Variants in SIK2 observed in about 807,000 individuals in gnomAD.
SIK2 encodes the protein salt inducible kinase 2.
In SIK2, 29 loss-of-function variants were observed where a neutral mutation model predicts 103.2. The ratio of observed to expected loss-of-function variants is 0.28; its 90% CI spans 0.21 to 0.38. The LOEUF (loss-of-function observed/expected upper bound fraction) is 0.38, where lower values mean the gene tolerates loss of function less well. SIK2 is among the 10% of genes least tolerant of loss of function. The pLI is 1.00. For missense variants in SIK2, 879 were observed against 1,171.0 expected, an observed-to-expected ratio of 0.75 and a Z score of 3.64; for synonymous variants, 412 against 446.1, an observed-to-expected ratio of 0.92 and a Z score of 0.96.
At chr11:111,673,582 A>C (rs1942657736) in intron 3 of SIK2, among the ~76,000 whole-genome samples, 1 of 152,178 alleles carries the variant, frequency 6.6e-6, no homozygotes, top group Admixed American at 6.5e-5. Flanking sequence ...TTTCAGCCTC[A>C]CTGCTGAATG....
intron 3 of SIK2, chr11:111,671,571 A>G: frequency 3.1e-6 from 1 of 326,532 alleles, no homozygotes; most frequent in Non-Finnish European, 5.9e-6. Flanking sequence ...CCTGGCTGTG[A>G]TTGGAGATGT....
intron 3 of SIK2, among the ~76,000 whole-genome samples, chr11:111,636,245 C>G (rs1200094394): frequency 6.6e-6 from 1 of 152,142 alleles, no homozygotes; most frequent in Non-Finnish European, 1.5e-5. Context: ...AGAAAGAGGT[C>G]TCCAAGTGAG....
At chr11:111,613,974 C>A (rs1327570799) in intron 1 of SIK2, among the ~76,000 whole-genome samples, 1 of 151,778 alleles carries the variant, frequency 6.6e-6, no homozygotes, top group African/African-American at 2.4e-5. Context: ...GATAGAGCAG[C>A]CATAAAGAAA....
At chr11:111,607,702 G>A (rs1289598129) in intron 1 of SIK2, among the ~76,000 whole-genome samples, 1 of 152,104 alleles carries the variant, frequency 6.6e-6, no homozygotes, top group Admixed American at 6.5e-5. Context: ...TACTTTCATA[G>A]AATTTTTCTG....
At chr11:111,658,085 TTTTATTTTA>T (rs1942416609) in intron 3 of SIK2, among the ~76,000 whole-genome samples, 1 of 143,796 alleles carries the variant, frequency 7.0e-6, no homozygotes, top group Non-Finnish European at 1.5e-5. Flanking sequence ...ATTTTTTCAT[TTTTATTTTA>T]TTTATTTATT....
chr11:111,704,707 A>C (rs888499654), intron 7 of SIK2, among the ~76,000 whole-genome samples: 1 of 152,186 alleles, frequency 6.6e-6, no homozygotes, highest in African/African-American at 2.4e-5. Context: ...TGAGACAATG[A>C]TGGCATTTTC....
At chr11:111,647,510 A>G (rs1198930322) in intron 3 of SIK2, among the ~76,000 whole-genome samples, 3 of 145,830 alleles carry the variant, frequency 2.1e-5, no homozygotes, top group Non-Finnish European at 4.5e-5. Context: ...TGCAGTGGCC[A>G]TAGTCACATC....
At chr11:111,692,397 G>GGAGAGAGGGAGAGAGAGAGATA (rs1942969110) in intron 4 of SIK2, among the ~76,000 whole-genome samples, 2 of 118,136 alleles carry the variant, frequency 1.7e-5, no homozygotes, top group East Asian at 4.2e-4. Flanking sequence ...AACACAAAAA[G>GGAGAGAGGGAGAGAGAGAGATA]GAGAGAGGGA....
chr11:111,616,176 A>G (rs1347935622), intron 1 of SIK2, 67 bp from the exon 2 acceptor site: 16 of 1,051,890 alleles, frequency 1.5e-5, no homozygotes, highest in Non-Finnish European at 2.0e-5. Flanking sequence ...ATTTATTGAC[A>G]GGATTCTTAA....
chr11:111,642,171 C>T, intron 3 of SIK2, among the ~76,000 whole-genome samples: 1 of 152,150 alleles, frequency 6.6e-6, no homozygotes, highest in South Asian at 2.1e-4. Context: ...AACCAATTTT[C>T]CAGTACCAAC....
intron 4 of SIK2, among the ~76,000 whole-genome samples, chr11:111,690,065 T>G (rs1323702162): frequency 6.6e-6 from 1 of 152,114 alleles, no homozygotes; most frequent in Non-Finnish European, 1.5e-5. Flanking sequence ...GAAAATGTGA[T>G]GCACAAAATT....
intron 1 of SIK2, among the ~76,000 whole-genome samples, chr11:111,611,654 TAGA>T (rs1408483385): frequency 1.3e-5 from 2 of 152,298 alleles, no homozygotes; most frequent in South Asian, 2.1e-4. Flanking sequence ...AGTCCTTTAG[TAGA>T]AGGAGTATTC....
At chr11:111,719,345 G>T (rs1018437099) in intron 9 of SIK2, among the ~76,000 whole-genome samples, 12 of 122,016 alleles carry the variant, frequency 9.8e-5, no homozygotes, top group African/African-American at 3.0e-4. Flanking sequence ...GAAGAATCTT[G>T]GTGACTACCC....
chr11:111,627,436 G>T (rs1056720071), intron 3 of SIK2, among the ~76,000 whole-genome samples: 3 of 151,962 alleles, frequency 2.0e-5, no homozygotes, highest in Non-Finnish European at 2.9e-5. Context: ...CTCTTACTGT[G>T]CCTAATTTAC....
intron 3 of SIK2, among the ~76,000 whole-genome samples, chr11:111,631,255 T>C (rs1471348586): frequency 6.6e-6 from 1 of 152,162 alleles, no homozygotes; most frequent in East Asian, 1.9e-4. Flanking sequence ...TGATGAGACA[T>C]CAGAGAAAGG....
chr11:111,702,670 A>AGTGAAGAGCATCC (rs1943244018), intron 6 of SIK2, among the ~76,000 whole-genome samples: 4 of 152,204 alleles, frequency 2.6e-5, no homozygotes, highest in Non-Finnish European at 5.9e-5. Flanking sequence ...GAAGAGCATC[A>AGTGAAGAGCATCC]TGTCAGCTCA....
At chr11:111,714,406 A>T (rs983839025) in intron 9 of SIK2, among the ~76,000 whole-genome samples, 1 of 152,216 alleles carries the variant, frequency 6.6e-6, no homozygotes, top group African/African-American at 2.4e-5. Flanking sequence ...TGCTGAAGAT[A>T]TTTGAGCAAG....
At chr11:111,675,191 A>G (rs1314103142) in intron 3 of SIK2, among the ~76,000 whole-genome samples, 1 of 152,228 alleles carries the variant, frequency 6.6e-6, no homozygotes, top group Non-Finnish European at 1.5e-5. Flanking sequence ...CATGTCCCTC[A>G]TTCTACATAT....
chr11:111,610,882 A>G (rs572827497), intron 1 of SIK2, among the ~76,000 whole-genome samples: 1 of 152,162 alleles, frequency 6.6e-6, no homozygotes, highest in Non-Finnish European at 1.5e-5. Flanking sequence ...GTTTTTTGTC[A>G]TCTTTTTCTA....
Sources: allele counts gnomAD v4.1 joint callset (sites outside exome capture counted in the v4.1 genomes callset), GRCh38; gene constraint gnomAD v4.1.1; transcripts MANE v1.5; gene names NCBI Gene and HGNC (gene_info 2026-07-23, HGNC 2026-07-21).